The following ACOD1 variants were observed in gnomAD, a reference collection of about 807,000 sequenced individuals.
ACOD1 encodes aconitate decarboxylase 1.
Under a neutral mutation model 14.2 loss-of-function variants are expected in ACOD1, and 14 were observed. The observed-to-expected ratio is 0.99, with a 90% CI of 0.65 to 1.54. ACOD1 has a LOEUF of 1.54. ACOD1 is among the 40% of genes most tolerant of loss of function. The pLI is 0.00. For missense variants in ACOD1, 530 were observed against 586.3 expected (o/e 0.90, Z 0.99); for synonymous variants, 182 against 221.7 (o/e 0.82, Z 1.59).
At chr13:76,955,263 AT>A (rs2033863109) in intron 3 of ACOD1, 55 bp from the exon 4 acceptor site, 1 of 1,391,322 alleles carries the variant, frequency 7.2e-7, no homozygotes. Flanking sequence ...TCCAAAAGCC[AT>A]TGCATTAAGG....
At position 76,958,271 on chromosome 13, in the gene ACOD1, G is replaced by C; in HGVS notation, c.*286G>C. 3.4e-6 allele frequency: 1 copy of C among 297,324 alleles called. No homozygotes were observed. The highest frequency in any genetic ancestry group is 5.5e-5 in the South Asian group (1 of 18,280). 18.4% of individuals were successfully genotyped at this position (297,324 alleles called of 1,614,324 possible). ...ACTTATAAAATTAATCTCTTCATAG[G>C]AATTATGTGTGGACTTCATGAGCCT... is the stretch of plus-strand genomic sequence containing the variant. On this transcript the variant is annotated 3_prime_UTR_variant, in exon 5 of 5. Transcript: ENST00000377462.
At chr13:76,953,982 T>G (rs2033848120) in intron 3 of ACOD1, among the ~76,000 whole-genome samples, 1 of 152,182 alleles carries the variant, frequency 6.6e-6, no homozygotes, top group African/African-American at 2.4e-5. Flanking sequence ...CAAAAAAATA[T>G]AAAACCCATA....
chr13:76,954,579 G>A (rs949192542), intron 3 of ACOD1, among the ~76,000 whole-genome samples: 16 of 152,166 alleles, frequency 1.1e-4, no homozygotes, highest in Admixed American at 3.3e-4. Context: ...GTACAAAAAC[G>A]TATGGCCTCA....
rs1367165306 is a variant in ACOD1, at chr13:76,957,191, G to A, written c.652G>A (p.Gly218Arg). Residue 218 changes from glycine (G) to arginine (R), a missense_variant, in exon 5 of 5, where the codon GGG becomes AGG. Transcript: ENST00000377462. ...PLHIGNAAKH[G>R]IEAAFLAMLG... ...CCACATTGGCAATGCTGCCAAGCAT[G>A]GGATAGAAGCTGCATTTTTGGCAAT... 35 of 1,550,538 alleles carry A rather than the reference G, an allele frequency of 2.3e-5. No homozygotes were observed. The highest frequency in any genetic ancestry group is 2.9e-5 in the Non-Finnish European group (33 of 1,147,012).
chr13:76,950,212 A>T (rs962562560), intron 1 of ACOD1, among the ~76,000 whole-genome samples: 1 of 152,310 alleles, frequency 6.6e-6, no homozygotes, highest in East Asian at 1.9e-4. Context: ...CTAATCCAAT[A>T]GCCCCTCACC....
At position 76,957,870 on chromosome 13, in the gene ACOD1, A is replaced by G. The variant is rs756852931; in HGVS notation, c.1331A>G (p.Asn444Ser). The G allele has an allele frequency of 2.6e-6, 4 of 1,551,072 alleles. No homozygotes were observed. In the South Asian group the frequency reaches 3.6e-5, roughly 14 times the overall value. The change falls in exon 5 of 5, where the codon AAT (asparagine) becomes AGT (serine). Residue 444 changes from asparagine to serine, a missense_variant. By Grantham distance (46) the Asn-to-Ser change is conservative. Coordinates refer to ENST00000377462, the MANE Select transcript of ACOD1 (RefSeq NM_001258406.2). Reference protein sequence around the residue: ...TVESLIKIVKNLEDLEDCSVL... With the variant: ...TVESLIKIVKSLEDLEDCSVL... ...GAAAGCCTTATAAAGATAGTCAAAA[A>G]TCTAGAAGACCTAGAAGACTGTTCT...
At chr13:76,953,808 CAGAT>C (rs2033846559) in intron 3 of ACOD1, 119 bp downstream of exon 3, 1 of 676,536 alleles carries the variant, frequency 1.5e-6, no homozygotes, top group Non-Finnish European at 2.6e-6. Flanking sequence ...GAAAGTCAGA[CAGAT>C]AAAGTGGCTT....
In ACOD1 at chr13:76,957,612, A is replaced by C. The variant is rs2033892809; in HGVS notation, c.1073A>C (p.Asn358Thr). Residue 358 changes from asparagine to threonine, a missense_variant, in exon 5 of 5, where the codon AAC becomes ACC. Asn to Thr is a moderately conservative substitution (Grantham distance 65). Coordinates refer to ENST00000377462, the MANE Select transcript of ACOD1 (RefSeq NM_001258406.2). ...CCCTCATTCCATGAATGCCAGATCAACAGGCCACAGGTGAGAGAGCTGCTC... is the reference window on the plus strand; with the variant it reads ...CCCTCATTCCATGAATGCCAGATCACCAGGCCACAGGTGAGAGAGCTGCTC... ...TVPSFHECQI[N>T]RPQVRELLSK... 6.4e-7 allele frequency: 1 copy of C among 1,550,522 alleles called. No individual in the cohort carries two copies. Among genetic ancestry groups the C allele is most frequent in the African/African-American group, 1.4e-5 (1 of 73,046 alleles).
Position 76,952,645 on chromosome 13 carries a change from A to C in ACOD1, c.169A>C (p.Ser57Arg). The C allele has an allele frequency of 1.3e-6, 2 of 1,550,036 alleles. No homozygotes were observed. Among genetic ancestry groups the C allele is most frequent in the Non-Finnish European group, 1.7e-6 (2 of 1,146,820 alleles). Residue 57 changes from serine (S) to arginine (R), a missense_variant, in exon 2 of 5, where the codon AGC becomes CGC. By Grantham distance (110) the Ser-to-Arg change is moderately radical (BLOSUM62 -1). Coordinates refer to ENST00000377462, the MANE Select transcript of ACOD1 (RefSeq NM_001258406.2). The part of the protein sequence containing the change: ...TEVFHIASQY[S>R]KIYSSNISST... ...AGTGTTTCACATAGCCAGCCAATAT[A>C]GCAAGGTAAGAAGCTCAAGGTCTAC...
At chr13:76,955,250 TG>T in intron 3 of ACOD1, 68 bp from the exon 4 acceptor site, 1 of 1,139,982 alleles carries the variant, frequency 8.8e-7, no homozygotes, top group Non-Finnish European at 1.3e-6. Context: ...AAGTCCTTAG[TG>T]GTCCAAAAGC....
At chr13:76,956,829 A>C (rs1054573735) in intron 4 of ACOD1, among the ~76,000 whole-genome samples, 181 bp from the exon 5 acceptor site, 2 of 152,200 alleles carry the variant, frequency 1.3e-5, no homozygotes, top group African/African-American at 4.8e-5. Flanking sequence ...CATTTTGTGT[A>C]AGAAAAACTC....
chr13:76,953,998 A>T (rs979411705), intron 3 of ACOD1, among the ~76,000 whole-genome samples: 6 of 152,180 alleles, frequency 3.9e-5, no homozygotes, highest in Non-Finnish European at 7.3e-5. Context: ...CCATATCCAG[A>T]CCTAATATCT....
chr13:76,949,128 G>A (rs527740384), intron 1 of ACOD1, among the ~76,000 whole-genome samples: 1 of 152,064 alleles, frequency 6.6e-6, no homozygotes, highest in Admixed American at 6.6e-5. Context: ...TTAGCTGGGC[G>A]TGGTGGCAGG....
In ACOD1 at chr13:76,957,658, C is replaced by A; in HGVS notation, c.1119C>A (p.Tyr373Ter). 1 of 1,550,570 alleles carries A rather than the reference C, an allele frequency of 6.4e-7. No homozygotes were observed. The highest frequency in any genetic ancestry group is 1.4e-5 in the African/African-American group (1 of 73,140). ...RELLSKVELE[Y>*]PPDNLPSFNI... ...TGCTCAGTAAGGTGGAGCTGGAGTA[C>A]CCTCCGGACAACTTGCCAAGCTTCA... is the stretch of plus-strand genomic sequence containing the variant. Residue 373 changes from tyrosine to a stop codon, truncating the protein, a stop_gained, in exon 5 of 5, where the codon TAC (tyrosine) becomes TAA (stop). Transcript: ENST00000377462. LOFTEE classifies it low-confidence loss of function (END_TRUNC).
At chr13:76,955,615 G>A in intron 4 of ACOD1, 91 bp downstream of exon 4, 1 of 1,129,240 alleles carries the variant, frequency 8.9e-7, no homozygotes, top group Non-Finnish European at 1.3e-6. Flanking sequence ...TTAGAGGCCG[G>A]TTCAGAGGAA....
At chr13:76,949,038 G>T (rs1401948047) in intron 1 of ACOD1, among the ~76,000 whole-genome samples, 2 of 152,114 alleles carry the variant, frequency 1.3e-5, no homozygotes, top group Non-Finnish European at 2.9e-5. Flanking sequence ...GGCCGAGGCG[G>T]ATGGATCACG....
At chr13:76,954,892 G>A (rs956619118) in intron 3 of ACOD1, among the ~76,000 whole-genome samples, 1 of 152,108 alleles carries the variant, frequency 6.6e-6, no homozygotes, top group African/African-American at 2.4e-5. Context: ...ACTTTGGGAG[G>A]CTGAGGCGGG....
chr13:76,953,567 A>G, intron 2 of ACOD1, 33 bp from the exon 3 acceptor site: 1 of 1,260,500 alleles, frequency 7.9e-7, no homozygotes, highest in Non-Finnish European at 1.1e-6. Context: ...TACTGTATTC[A>G]CACTATCACT....
intron 1 of ACOD1, among the ~76,000 whole-genome samples, chr13:76,950,683 G>A (rs1566205467): frequency 6.6e-6 from 1 of 152,068 alleles, no homozygotes; most frequent in Non-Finnish European, 1.5e-5. Context: ...TCCAGAACCT[G>A]GGATACTGCA....
Sources: gnomAD v4.1 joint callset for allele counts (sites outside exome capture counted in the v4.1 genomes callset) on GRCh38, gnomAD v4.1.1 for gene constraint, MANE v1.5 for transcripts, NCBI Gene and HGNC (gene_info 2026-07-23, HGNC 2026-07-21) for gene names.